The following DENND10 variants were observed in gnomAD, a reference collection of about 807,000 sequenced individuals.
The protein encoded by DENND10 is DENN domain containing 10.
A neutral mutation model predicts 43.6 loss-of-function variants in DENND10; 24 were observed. That is an observed-to-expected ratio of 0.55 (90% CI 0.40 to 0.77). DENND10 has a LOEUF of 0.77. Among genes scored for constraint, DENND10 ranks in the 30% least tolerant of loss-of-function variants. The pLI, the probability that DENND10 is intolerant of heterozygous loss-of-function variation, is 0.00. For synonymous variants in DENND10, 125 were observed against 157.6 expected (o/e 0.79, Z 1.55); for missense variants, 303 against 429.9 (o/e 0.70, Z 2.61).
At position 119,117,583 on chromosome 10, in the gene DENND10, G is replaced by A. The variant is rs1332713849; in HGVS notation, c.397G>A (p.Gly133Arg). 2 of 1,613,964 alleles carry A rather than the reference G, an allele frequency of 1.2e-6. No homozygotes were observed. Among genetic ancestry groups the A allele is most frequent in the African/African-American group, 2.7e-5 (2 of 74,900 alleles). The change falls in exon 4 of 9, where the codon GGG (glycine) becomes AGG (arginine). Residue 133 changes from glycine to arginine, a missense_variant. Physicochemically the swap from Gly to Arg is moderately radical, Grantham distance 125. Coordinates refer to ENST00000361432, the MANE Select transcript of DENND10 (RefSeq NM_207009.4). Reference sequence around the variant, plus strand: ...GAGTTATATTGCAGTTCTCACAAAGGGGATATGCCAGAGTGAAGAAAACGG... The same window carrying A: ...GAGTTATATTGCAGTTCTCACAAAGAGGATATGCCAGAGTGAAGAAAACGG... Reference protein sequence around the residue: ...MESYIAVLTKGICQSEENGSF... With the variant: ...MESYIAVLTKRICQSEENGSF...
chr10:119,117,959 C>G (rs1214863557), intron 4 of DENND10, among the ~76,000 whole-genome samples: 8 of 151,684 alleles, frequency 5.3e-5, no homozygotes, highest in Non-Finnish European at 7.4e-5. Context: ...AGACGAGACT[C>G]CGTCTCAAAA....
intron 7 of DENND10, 62 bp downstream of exon 7, chr10:119,129,684 T>C (rs1845998028): frequency 1.6e-6 from 2 of 1,231,170 alleles, no homozygotes; most frequent in Non-Finnish European, 2.4e-6. Context: ...ATTTTTAGGC[T>C]GATTCTCTAA....
In DENND10 at chr10:119,108,005, T is replaced by A. The variant is rs757872838; in HGVS notation, c.93T>A (p.Cys31Ter). ...ATGGAGAAGTTCTGTGGGTGTGGTG[T>A]TATCCTTCCACGACAGCCACATTAA... ...DTNGEVLWVWCYPSTTATLRN... is the reference protein window; with the variant it reads ...DTNGEVLWVW The change falls in exon 2 of 9, where the codon TGT becomes TGA. Residue 31 changes from cysteine to a stop codon, truncating the protein, a stop_gained. Coordinates refer to ENST00000361432, the MANE Select transcript of DENND10 (RefSeq NM_207009.4). LOFTEE classifies it high-confidence loss of function. The A allele has an allele frequency of 6.2e-7, 1 of 1,614,024 alleles. No homozygotes were observed. Among genetic ancestry groups the A allele is most frequent in the Non-Finnish European group, 8.5e-7 (1 of 1,179,916 alleles).
intron 6 of DENND10, among the ~76,000 whole-genome samples, chr10:119,125,741 T>C (rs1845800948): frequency 6.6e-6 from 1 of 152,056 alleles, no homozygotes; most frequent in Non-Finnish European, 1.5e-5. Flanking sequence ...GGTCTCAAAC[T>C]TCTGACCTCA....
chr10:119,109,688 G>A (rs1287463314), intron 2 of DENND10, among the ~76,000 whole-genome samples: 1 of 151,138 alleles, frequency 6.6e-6, no homozygotes. Context: ...GCATGATCTC[G>A]GCTCACTGCA....
At chr10:119,124,433 C>T (rs1182095687) in intron 6 of DENND10, among the ~76,000 whole-genome samples, 1 of 148,468 alleles carries the variant, frequency 6.7e-6, no homozygotes, top group Non-Finnish European at 1.5e-5. Context: ...CCCAGCTACT[C>T]GGGAGGCTGA....
At chr10:119,113,170 ATT>A (rs752292315) in intron 3 of DENND10, among the ~76,000 whole-genome samples, 4 of 127,208 alleles carry the variant, frequency 3.1e-5, no homozygotes, top group Non-Finnish European at 3.3e-5. Flanking sequence ...TTTAGTCGTG[ATT>A]TTTTTTTTTT....
intron 8 of DENND10, among the ~76,000 whole-genome samples, chr10:119,135,812 A>AAAAAAAAAAAAAAAAAAAC (rs1846321416): frequency 6.6e-6 from 1 of 150,566 alleles, no homozygotes. Flanking sequence ...AAAAAAAAAA[A>AAAAAAAAAAAAAAAAAAAC]AAAACCAAAA....
chr10:119,131,229 C>T (rs1202146348), intron 7 of DENND10, among the ~76,000 whole-genome samples: 1 of 152,134 alleles, frequency 6.6e-6, no homozygotes, highest in Non-Finnish European at 1.5e-5. Flanking sequence ...GAGGCCAAGG[C>T]GGGTGGATCA....
At chr10:119,117,695 C>T (rs374896450) in intron 4 of DENND10, 28 bp downstream of exon 4, 14 of 1,609,888 alleles carry the variant, frequency 8.7e-6, no homozygotes, top group African/African-American at 8.0e-5. Context: ...AGGCCAGGGA[C>T]GGTGGCTCAC....
chr10:119,104,128 C>G lies in DENND10; in HGVS notation c.-15C>G, dbSNP rs907369794. 6 of 1,503,120 alleles carry G rather than the reference C, an allele frequency of 4.0e-6. No homozygotes were observed. Among genetic ancestry groups the G allele is most frequent in the East Asian group, 5.5e-5 (2 of 36,172 alleles). 93.1% of individuals were successfully genotyped at this position (1,503,120 alleles called of 1,614,324 possible). The stretch of plus-strand genomic sequence containing the variant: ...TGCAGGCGGCAGCCAGAGCTGCGCG[C>G]CGCGGCGGCGGAAGATGGCTGCGGC... On this transcript the variant is annotated 5_prime_UTR_variant, in exon 1 of 9. Transcript: ENST00000361432.
chr10:119,133,735 GTGGGCTGA>G (rs1438399482), intron 8 of DENND10: 1 of 152,334 alleles, frequency 6.6e-6, no homozygotes, highest in Non-Finnish European at 1.5e-5. Flanking sequence ...AGCAGGAAGA[GTGGGCTGA>G]TCTTGCCCTG....
chr10:119,104,114 G>C lies in DENND10; in HGVS notation c.-29G>C. ...TGCGAGGCCGGTCCTGCAGGCGGCA[G>C]CCAGAGCTGCGCGCCGCGGCGGCGG... On this transcript the variant is annotated 5_prime_UTR_variant, in exon 1 of 9. Coordinates refer to ENST00000361432, the MANE Select transcript of DENND10 (RefSeq NM_207009.4). 6.7e-7 allele frequency: 1 copy of C among 1,489,874 alleles called. No homozygotes were observed. The highest frequency in any genetic ancestry group is 8.9e-7 in the Non-Finnish European group (1 of 1,120,000). The allele number at this position is 1,489,874 out of a possible 1,614,324, so 92.3% of individuals were successfully genotyped here. A position where few individuals can be genotyped will look rare whatever the true frequency, so the allele number is the denominator to read the frequency against.
intron 3 of DENND10, chr10:119,114,455 A>C (rs1349192177): frequency 6.6e-6 from 1 of 152,240 alleles, no homozygotes; most frequent in Non-Finnish European, 1.5e-5. Flanking sequence ...AGGGAACCTC[A>C]TTCCCTATGT....
chr10:119,114,494 T>A (rs1428109529), intron 3 of DENND10: 1 of 152,252 alleles, frequency 6.6e-6, no homozygotes, highest in Non-Finnish European at 1.5e-5. Context: ...GTGGTCCTCT[T>A]CAGCCTCTAG....
In DENND10 at chr10:119,104,137, C is replaced by A. The variant is rs374544760; in HGVS notation, c.-6C>A. 36 of 1,508,542 alleles carry A rather than the reference C, an allele frequency of 2.4e-5. No individual in the cohort carries two copies. The African/African-American group carries it at 5.2e-4, about 22-fold the overall frequency. The allele number at this position is 1,508,542 out of a possible 1,614,324, so 93.4% of individuals were successfully genotyped here. ...CAGCCAGAGCTGCGCGCCGCGGCGG[C>A]GGAAGATGGCTGCGGCCGAGGTGGC... is the stretch of plus-strand genomic sequence containing the variant. On this transcript the variant is annotated 5_prime_UTR_variant, in exon 1 of 9. Coordinates refer to ENST00000361432, the MANE Select transcript of DENND10 (RefSeq NM_207009.4).
rs144765144 is a variant in DENND10, at chr10:119,129,722, A to G, written c.802+100A>G. On this transcript the variant is annotated intron_variant, in intron 7 of 8. Transcript: ENST00000361432. ...CCAGTATGTGAGGGCTGGCTTACCA[A>G]CTCTGCTGAAGATGGATATTTCCGT... 410 of 767,564 alleles carry G rather than the reference A, an allele frequency of 5.3e-4. 1 individual carries two copies. The African/African-American group carries it at 5.9e-3, about 11-fold the overall frequency. The allele number at this position is 767,564 out of a possible 1,614,324, so 47.5% of individuals were successfully genotyped here. A position where few individuals can be genotyped will look rare whatever the true frequency, so the allele number is the denominator to read the frequency against.
At chr10:119,123,921 G>A (rs985469706) in intron 6 of DENND10, among the ~76,000 whole-genome samples, 21 of 150,486 alleles carry the variant, frequency 1.4e-4, no homozygotes, top group Non-Finnish European at 2.8e-4. Context: ...GCCGGGAGCG[G>A]TAGCTCACAC....
At chr10:119,113,366 A>G (rs1207949975) in intron 3 of DENND10, among the ~76,000 whole-genome samples, 3 of 149,936 alleles carry the variant, frequency 2.0e-5, no homozygotes, top group Non-Finnish European at 4.4e-5. Flanking sequence ...ATTAAAAAAT[A>G]TATATATATT....
Sources: allele counts gnomAD v4.1 joint callset (sites outside exome capture counted in the v4.1 genomes callset), GRCh38; gene constraint gnomAD v4.1.1; transcripts MANE v1.5; gene names NCBI Gene and HGNC (gene_info 2026-07-23, HGNC 2026-07-21).